PIAS1: variants seen among roughly 807,000 people sequenced by gnomAD.
PIAS1 encodes E3 SUMO-protein ligase PIAS1.
PIAS1 carries 6 observed loss-of-function variants against 71.3 expected under a neutral mutation model. The ratio of observed to expected loss-of-function variants is 0.08; its 90% CI spans 0.05 to 0.17. PIAS1 has a LOEUF of 0.17. Ranked by LOEUF, PIAS1 falls within the 10% of genes least tolerant of loss-of-function variation. PIAS1 has a pLI of 1.00. For missense variants in PIAS1, 555 were observed against 793.6 expected, an observed-to-expected ratio of 0.70 and a Z score of 3.61; for synonymous variants, 303 against 292.9, an observed-to-expected ratio of 1.03 and a Z score of -0.35.
Position 68,193,762 on chromosome 15 carries a change from C to T in PIAS1, c.*5927C>T, listed in dbSNP as rs559149695. 3 of 382,638 alleles carry T rather than the reference C, an allele frequency of 7.8e-6. No individual in the cohort carries two copies. Among genetic ancestry groups the T allele is most frequent in the Non-Finnish European group, 1.4e-5 (3 of 209,574 alleles). The allele number at this position is 382,638 out of a possible 1,614,324, so 23.7% of individuals were successfully genotyped here. A position where few individuals can be genotyped will look rare whatever the true frequency, so the allele number is the denominator to read the frequency against. On this transcript the variant is annotated 3_prime_UTR_variant, in exon 14 of 14. Transcript: ENST00000249636. ...GGAACCCAGGCCAGACTCCAAACCG[C>T]AGGCTCCTTCCATGCTTGAAAGGGC...
intron 11 of PIAS1, among the ~76,000 whole-genome samples, chr15:68,179,876 C>T (rs772252078): frequency 6.6e-6 from 1 of 151,866 alleles, no homozygotes; most frequent in Non-Finnish European, 1.5e-5. Flanking sequence ...CCACGCCCGG[C>T]CCTCTTTTGA....
chr15:68,068,379 A>G (rs1012817225), intron 1 of PIAS1, among the ~76,000 whole-genome samples: 5 of 152,126 alleles, frequency 3.3e-5, no homozygotes, highest in African/African-American at 4.8e-5. Context: ...GTGCTCATAG[A>G]TTTCAGTAAG....
intron 7 of PIAS1, among the ~76,000 whole-genome samples, chr15:68,164,241 A>G (rs1265476439): frequency 6.6e-6 from 1 of 152,196 alleles, no homozygotes; most frequent in African/African-American, 2.4e-5. Flanking sequence ...GACTCTTTTC[A>G]TAATTTGAAG....
rs929378225 is a variant in PIAS1, at chr15:68,186,500, G to A, written c.1663-1042G>A. On this transcript the variant is annotated intron_variant, in intron 13 of 13. Transcript: ENST00000249636. This position sits in a 1 kb window ranked among gnomAD's most constrained non-coding sequence, Gnocchi z 4.4. ...TATAAAGTAAAATTAGTTAGCTAAT[G>A]TTAATTTATTATTGAAGAAAGAAAA... Among the ~76,000 whole-genome samples, 5 of 152,288 alleles carry A rather than the reference G, an allele frequency of 3.3e-5. No individual in the cohort carries two copies. Among genetic ancestry groups the A allele is most frequent in the African/African-American group, 1.2e-4 (5 of 41,558 alleles).
chr15:68,183,592 C>CTT, intron 12 of PIAS1, 38 bp from the exon 13 acceptor site: 12 of 800,294 alleles, frequency 1.5e-5, no homozygotes, highest in Admixed American at 2.6e-5. Flanking sequence ...GTTTTTCCTT[C>CTT]TTTTTTTTTT....
intron 1 of PIAS1, among the ~76,000 whole-genome samples, chr15:68,077,174 AAAG>A (rs377210352): frequency 5.6e-4 from 85 of 152,366 alleles, no homozygotes; most frequent in African/African-American, 2.0e-3. Context: ...TGCTGAAATA[AAAG>A]AATAACACAT....
chr15:68,078,827 A>G (rs966075631), intron 1 of PIAS1, among the ~76,000 whole-genome samples: 4 of 152,232 alleles, frequency 2.6e-5, no homozygotes, highest in African/African-American at 9.6e-5. Flanking sequence ...TTTAATACAT[A>G]TTATGTTTTG....
At chr15:68,084,495 A>G (rs1446359981) in intron 1 of PIAS1, among the ~76,000 whole-genome samples, 1 of 152,194 alleles carries the variant, frequency 6.6e-6, no homozygotes, top group Non-Finnish European at 1.5e-5. Context: ...ATCTTTGATA[A>G]CATTAAAAAG....
intron 1 of PIAS1, among the ~76,000 whole-genome samples, chr15:68,073,984 C>G (rs1350973587): frequency 1.3e-5 from 2 of 152,034 alleles, no homozygotes; most frequent in Admixed American, 1.3e-4. Flanking sequence ...TGGAGGTGAA[C>G]AAGAAGATGG....
intron 1 of PIAS1, among the ~76,000 whole-genome samples, chr15:68,062,691 T>C (rs909026752): frequency 6.6e-6 from 1 of 152,242 alleles, no homozygotes; most frequent in Non-Finnish European, 1.5e-5. Flanking sequence ...AATGTGTATG[T>C]CTGTATAATA....
chr15:68,125,344 G>C (rs950290422), intron 2 of PIAS1, among the ~76,000 whole-genome samples: 3 of 152,034 alleles, frequency 2.0e-5, no homozygotes, highest in Non-Finnish European at 2.9e-5. Flanking sequence ...CCAAACACAG[G>C]ATACTCTGTC....
rs751313191 is a variant in PIAS1 at position 68,176,496 on chromosome 15, G to A, written c.1323G>A (p.Glu441=). The part of the protein sequence containing the change: ...GVDGCLSSTL[E]HQVASHHQSS... ...TAGGATGCTTGAGCTCCACATTGGA[G>A]CATCAGGTAGCGTCTCACCACCAGT... The change falls in exon 11 of 14, where the codon GAG becomes GAA. Residue 441 remains glutamate, a synonymous_variant. Transcript: ENST00000249636. 19 of 1,605,236 alleles carry A rather than the reference G, an allele frequency of 1.2e-5. No individual in the cohort carries two copies. The highest frequency in any genetic ancestry group is 1.5e-5 in the Non-Finnish European group (18 of 1,176,574).
chr15:68,193,001 A>T lies in PIAS1; in HGVS notation c.*5166A>T, dbSNP rs946926164. ...CTAGCTGTGTAACTCACTCAAAGCC[A>T]CTCCAGCTGGATGGACTCCCAGAAA... is the stretch of plus-strand genomic sequence containing the variant. On this transcript the variant is annotated 3_prime_UTR_variant, in exon 14 of 14. Transcript: ENST00000249636. 6.6e-6 allele frequency: 1 copy of T among 152,062 alleles called. No homozygotes were observed. The highest frequency in any genetic ancestry group is 1.5e-5 in the Non-Finnish European group (1 of 68,068). 9.4% of individuals were successfully genotyped at this position (152,062 alleles called of 1,614,324 possible). A position where few individuals can be genotyped will look rare whatever the true frequency, so the allele number is the denominator to read the frequency against.
At chr15:68,121,255 GT>G (rs1036291171) in intron 2 of PIAS1, among the ~76,000 whole-genome samples, 8 of 116,064 alleles carry the variant, frequency 6.9e-5, no homozygotes, top group Non-Finnish European at 1.9e-5. Context: ...CAGTTGACAT[GT>G]TTTTTTGTTT....
In PIAS1 at chr15:68,170,431, A is replaced by G. The variant is rs117182626; in HGVS notation, c.1009-3301A>G. 6.1e-3 allele frequency among the ~76,000 whole-genome samples: 930 copies of G among 152,324 alleles called. 4 individuals are homozygous for G. Among genetic ancestry groups the G allele is most frequent in the East Asian group, 0.032 (168 of 5,178 alleles). ...ACATAGAAAAGGTACAGTAAAAAGTATAAAAGATGAAAAATGGTACACCTG... is the reference window on the plus strand; with the variant it reads ...ACATAGAAAAGGTACAGTAAAAAGTGTAAAAGATGAAAAATGGTACACCTG... On this transcript the variant is annotated intron_variant, in intron 8 of 13. Coordinates refer to ENST00000249636, the MANE Select transcript of PIAS1 (RefSeq NM_016166.3).
At chr15:68,184,434 C>T (rs181716912) in intron 13 of PIAS1, 2 of 152,266 alleles carry the variant, frequency 1.3e-5, no homozygotes, top group Admixed American at 1.3e-4. Context: ...GGATTGAAGA[C>T]CAGACACAGA....
chr15:68,136,138 G>T (rs1181425179), intron 2 of PIAS1, among the ~76,000 whole-genome samples: 1,421 of 50,516 alleles, frequency 0.028, 358 homozygotes, highest in African/African-American at 0.057. Context: ...AGGCAGAGGG[G>T]CTCCTCACGT....
chr15:68,131,993 A>C (rs925190460), intron 2 of PIAS1, among the ~76,000 whole-genome samples: 1 of 147,054 alleles, frequency 6.8e-6, no homozygotes, highest in Non-Finnish European at 1.5e-5. Context: ...GTCTGAGTTC[A>C]GGAGTTTGAG....
Position 68,174,303 on chromosome 15 carries a change from T to A in PIAS1, c.1169+411T>A, listed in dbSNP as rs1210698964. ...GGGCTTTTCAATAGAAGTTAGCCTA[T>A]TTCTGGAGATTAGATCCACCTTCAG... On this transcript the variant is annotated intron_variant, in intron 9 of 13. Coordinates refer to ENST00000249636, the MANE Select transcript of PIAS1 (RefSeq NM_016166.3). This position sits in a 1 kb window ranked among gnomAD's most constrained non-coding sequence, Gnocchi z 4.0. 1.3e-5 allele frequency among the ~76,000 whole-genome samples: 2 copies of A among 152,250 alleles called. No individual in the cohort carries two copies. The highest frequency in any genetic ancestry group is 2.9e-5 in the Non-Finnish European group (2 of 68,048).
Sources: allele counts gnomAD v4.1 joint callset (sites outside exome capture counted in the v4.1 genomes callset), GRCh38; gene constraint gnomAD v4.1.1; non-coding constraint Gnocchi (gnomAD v3.1); transcripts MANE v1.5; gene names NCBI Gene and HGNC (gene_info 2026-07-23, HGNC 2026-07-21).